The following RUNX2 variants were observed in gnomAD, a reference collection of about 807,000 sequenced individuals.
RUNX2 encodes runt-related transcription factor 2.
RUNX2 carries 10 observed loss-of-function variants against 51.7 expected under a neutral mutation model. That is an observed-to-expected ratio of 0.19 (90% CI 0.12 to 0.33). RUNX2 has a LOEUF of 0.33. Ranked by LOEUF, RUNX2 falls within the 10% of genes least tolerant of loss-of-function variation. The pLI is 1.00. For synonymous variants in RUNX2, 276 were observed against 273.6 expected (o/e 1.01, Z -0.09); for missense variants, 562 against 691.3 (o/e 0.81, Z 2.10).
At chr6:45,540,919 G>A (rs1289265750) in intron 7 of RUNX2, among the ~76,000 whole-genome samples, 1 of 152,216 alleles carries the variant, frequency 6.6e-6, no homozygotes, top group East Asian at 1.9e-4. Context: ...GGGGGCTCCT[G>A]TCTGCAATGT....
chr6:45,338,000 C>T (rs1181215592), intron 2 of RUNX2, among the ~76,000 whole-genome samples: 1 of 151,900 alleles, frequency 6.6e-6, no homozygotes, highest in Non-Finnish European at 1.5e-5. Context: ...TCTAATTACA[C>T]ATTAATCATG....
At chr6:45,373,716 A>C (rs1796407860) in intron 2 of RUNX2, among the ~76,000 whole-genome samples, 1 of 151,954 alleles carries the variant, frequency 6.6e-6, no homozygotes, top group African/African-American at 2.4e-5. Context: ...ATGCCCGGCT[A>C]ATTTTTTTGT....
intron 2 of RUNX2, among the ~76,000 whole-genome samples, chr6:45,405,004 A>G (rs2150354001): frequency 6.6e-6 from 1 of 152,354 alleles, no homozygotes; most frequent in Middle Eastern, 3.4e-3. Context: ...GTTTCTCTTC[A>G]CAGTCTGCTT....
chr6:45,494,496 T>C (rs1391935616), intron 6 of RUNX2, among the ~76,000 whole-genome samples: 1 of 152,268 alleles, frequency 6.6e-6, no homozygotes, highest in Non-Finnish European at 1.5e-5. Flanking sequence ...AATTGATTTA[T>C]AGACTAGTGT....
chr6:45,465,702 G>T (rs1485294407), intron 5 of RUNX2, among the ~76,000 whole-genome samples: 1 of 150,394 alleles, frequency 6.6e-6, no homozygotes, highest in Non-Finnish European at 1.5e-5. Context: ...GAGTTCAGAA[G>T]TACAATTTTG....
chr6:45,470,129 C>T (rs1019500655), intron 5 of RUNX2, among the ~76,000 whole-genome samples: 5 of 152,100 alleles, frequency 3.3e-5, no homozygotes, highest in Non-Finnish European at 5.9e-5. Context: ...AATAATTAGT[C>T]GAACCATAGG....
intron 2 of RUNX2, among the ~76,000 whole-genome samples, chr6:45,331,451 A>C (rs1203869109): frequency 6.6e-6 from 1 of 152,008 alleles, no homozygotes; most frequent in African/African-American, 2.4e-5. Context: ...CAGTAGTGAC[A>C]AAGTTTTATA....
intron 5 of RUNX2, among the ~76,000 whole-genome samples, chr6:45,439,286 C>G (rs1302785056): frequency 6.6e-6 from 1 of 152,094 alleles, no homozygotes; most frequent in Non-Finnish European, 1.5e-5. Flanking sequence ...CAGTGCTGGC[C>G]CTGTCTGTTC....
chr6:45,379,378 AAG>A (rs1797171281), intron 2 of RUNX2, among the ~76,000 whole-genome samples: 1 of 152,224 alleles, frequency 6.6e-6, no homozygotes, highest in Non-Finnish European at 1.5e-5. Context: ...ACAGAAGATT[AAG>A]AGAAAAATTA....
At chr6:45,355,718 A>C (rs1793033290) in intron 2 of RUNX2, among the ~76,000 whole-genome samples, 1 of 152,238 alleles carries the variant, frequency 6.6e-6, no homozygotes, top group African/African-American at 2.4e-5. Flanking sequence ...TTAGAGATAT[A>C]TAAAAGACAT....
intron 4 of RUNX2, among the ~76,000 whole-genome samples, chr6:45,436,528 C>T (rs756763920): frequency 6.6e-6 from 1 of 152,196 alleles, no homozygotes; most frequent in Non-Finnish European, 1.5e-5. Flanking sequence ...CCTATTCAAA[C>T]TGCACCCACC....
At chr6:45,413,429 CTTTTTTTTTTTTT>C (rs67659911) in intron 2 of RUNX2, among the ~76,000 whole-genome samples, 2 of 56,588 alleles carry the variant, frequency 3.5e-5, no homozygotes, top group East Asian at 5.5e-4. Context: ...AAGATACATT[CTTTTTTTTTTTTT>C]TTTTTTTTTT....
intron 5 of RUNX2, among the ~76,000 whole-genome samples, chr6:45,471,538 A>G (rs1347774690): frequency 3.4e-5 from 5 of 148,090 alleles, no homozygotes; most frequent in East Asian, 2.0e-4. Flanking sequence ...TCCGCCTCCC[A>G]GGTTCATGCC....
In RUNX2 at chr6:45,485,697, G is replaced by GTATATATA. The variant is rs10677574; in HGVS notation, c.686-6231_686-6224dup. ...TATGTGTGTGTGTGTGTGTGTGTGT[G>GTATATATA]TATATATATATATATATATACACAT... On this transcript the variant is annotated intron_variant, in intron 5 of 8. Transcript: ENST00000647337. Among the ~76,000 whole-genome samples, 77 of 104,068 alleles carry GTATATATA rather than the reference G, an allele frequency of 7.4e-4. 1 individual carries two copies. Among genetic ancestry groups the GTATATATA allele is most frequent in the Non-Finnish European group, 1.1e-3 (58 of 51,634 alleles). 68.3% of individuals were successfully genotyped at this position (104,068 alleles called of 152,430 possible). A position where few individuals can be genotyped will look rare whatever the true frequency, so the allele number is the denominator to read the frequency against.
intron 2 of RUNX2, among the ~76,000 whole-genome samples, chr6:45,396,182 A>C (rs143436192): frequency 6.6e-6 from 1 of 152,212 alleles, no homozygotes; most frequent in Non-Finnish European, 1.5e-5. Context: ...AATAGATTCC[A>C]TACTAATTCT....
At position 45,328,635 on chromosome 6, in the gene RUNX2, G is replaced by C. The variant is rs770279584; in HGVS notation, c.-66-26G>C. On this transcript the variant is annotated intron_variant, in intron 1 of 8. Transcript: ENST00000647337. ...CAGGCATACTGTAAAACTAAAACAA[G>C]GTTTGGGTATGGTTTGTATTTTCAG... The C allele has an allele frequency of 8.7e-6, 14 of 1,609,992 alleles. No individual in the cohort carries two copies. The South Asian group carries it at 1.5e-4, about 18-fold the overall frequency.
At chr6:45,494,751 G>A (rs929176577) in intron 6 of RUNX2, among the ~76,000 whole-genome samples, 1 of 152,208 alleles carries the variant, frequency 6.6e-6, no homozygotes, top group African/African-American at 2.4e-5. Context: ...GCAGCAATGC[G>A]AAAATGAATT....
chr6:45,424,943 A>G (rs993151741), intron 3 of RUNX2, among the ~76,000 whole-genome samples: 3 of 152,174 alleles, frequency 2.0e-5, no homozygotes, highest in Non-Finnish European at 2.9e-5. Context: ...TTAAATTTCC[A>G]TACAATATAT....
chr6:45,409,879 A>G (rs79514124), intron 2 of RUNX2, among the ~76,000 whole-genome samples: 18 of 152,346 alleles, frequency 1.2e-4, no homozygotes, highest in Non-Finnish European at 2.2e-4. Context: ...CTTACACTCT[A>G]TATGGAATGC....
Sources: gnomAD v4.1 joint callset for allele counts (sites outside exome capture counted in the v4.1 genomes callset) on GRCh38, gnomAD v4.1.1 for gene constraint, MANE v1.5 for transcripts, NCBI Gene and HGNC (gene_info 2026-07-23, HGNC 2026-07-21) for gene names.